Variants in PLCZ1 observed in about 807,000 individuals in gnomAD.
The protein encoded by PLCZ1 is 1-phosphatidylinositol 4,5-bisphosphate phosphodiesterase zeta-1.
Under a neutral mutation model 76.8 loss-of-function variants are expected in PLCZ1, and 64 were observed. The observed-to-expected ratio is 0.83, with a 90% CI of 0.68 to 1.03. The LOEUF is 1.03. Among genes scored for constraint, PLCZ1 ranks in the 50% least tolerant of loss-of-function variants. The probability of loss-of-function intolerance (pLI) is 0.00; values close to 1 mark genes in which losing one functional copy is unlikely to be tolerated. For synonymous variants in PLCZ1, 248 were observed against 230.8 expected, an observed-to-expected ratio of 1.07 and a Z score of -0.68; for missense variants, 751 against 713.7, an observed-to-expected ratio of 1.05 and a Z score of -0.60.
In PLCZ1 at chr12:18,696,137, G is replaced by C. The variant is rs3825081; in HGVS notation, c.1291+13C>G. 0.39 allele frequency: 495,153 copies of C among 1,254,542 alleles called. 100,692 individuals are homozygous for C. Among genetic ancestry groups the C allele is most frequent in the African/African-American group, 0.6 (39,335 of 66,016 alleles). The allele number at this position is 1,254,542 out of a possible 1,614,324, so 77.7% of individuals were successfully genotyped here. A position where few individuals can be genotyped will look rare whatever the true frequency, so the allele number is the denominator to read the frequency against. On this transcript the variant is annotated intron_variant, in intron 11 of 14. Coordinates refer to ENST00000266505, the MANE Select transcript of PLCZ1 (RefSeq NM_033123.4). The stretch of plus-strand genomic sequence containing the variant: ...TTACTTCTGCAAACAACTCAATATC[G>C]TATATAACATACCCATTTGACAACC...
chr12:18,705,182 G>T lies in PLCZ1; in HGVS notation c.848C>A (p.Thr283Asn), dbSNP rs773048335. 6.2e-7 allele frequency: 1 copy of T among 1,614,044 alleles called. No homozygotes were observed. Among genetic ancestry groups the T allele is most frequent in the Middle Eastern group, 1.7e-4 (1 of 6,060 alleles). ...LSDMLDDFPD[T>N]LPSPEALKFK... ...AAATGTTACCTCTGGTGATGGTAGA[G>T]TATCAGGAAAATCATCAAGCATATC... The change falls in exon 7 of 15, where the codon ACT becomes AAT. Residue 283 changes from threonine (T) to asparagine (N), a missense_variant. Coordinates refer to ENST00000266505, the MANE Select transcript of PLCZ1 (RefSeq NM_033123.4).
chr12:18,737,702 G>T, intron 1 of PLCZ1, 193 bp from the exon 2 acceptor site: 1 of 462,332 alleles, frequency 2.2e-6, no homozygotes, highest in Non-Finnish European at 3.9e-6. Flanking sequence ...CTGATGTCTG[G>T]CATTTTTCCA....
At chr12:18,677,124 G>A in the PLCZ1 span, among the ~76,000 whole-genome samples, 70 of 152,188 alleles carry the variant, frequency 4.6e-4, no homozygotes, top group African/African-American at 1.6e-3. Flanking sequence ...TAGAAAAGGG[G>A]AGTCTGTATC....
intron 5 of PLCZ1, among the ~76,000 whole-genome samples, chr12:18,716,517 T>G (rs566110553): frequency 2.8e-4 from 42 of 152,318 alleles, no homozygotes; most frequent in African/African-American, 1.0e-3. Context: ...TATTTAACTT[T>G]GAGCCTTTTT....
chr12:18,669,307 ATG>A, the PLCZ1 span, among the ~76,000 whole-genome samples: 1 of 152,156 alleles, frequency 6.6e-6, no homozygotes, highest in African/African-American at 2.4e-5. Flanking sequence ...TTTCCATTAT[ATG>A]TGTGGTCTCT....
chr12:18,663,535 T>C, the PLCZ1 span, among the ~76,000 whole-genome samples: 3 of 152,092 alleles, frequency 2.0e-5, no homozygotes, highest in Non-Finnish European at 4.4e-5. Flanking sequence ...TTGATATCCA[T>C]AGGAGGTCCT....
intron 5 of PLCZ1, among the ~76,000 whole-genome samples, chr12:18,713,563 G>C (rs996858434): frequency 5.3e-5 from 8 of 152,102 alleles, no homozygotes; most frequent in African/African-American, 1.9e-4. Flanking sequence ...AGAGGGCCTG[G>C]TGAATCAGCA....
chr12:18,688,497 A>T (rs1232709727), intron 12 of PLCZ1, among the ~76,000 whole-genome samples: 1 of 151,930 alleles, frequency 6.6e-6, no homozygotes, highest in Non-Finnish European at 1.5e-5. Flanking sequence ...ATTTGTTATG[A>T]TCACATTTCA....
the PLCZ1 span, among the ~76,000 whole-genome samples, chr12:18,667,402 G>C: frequency 5.9e-5 from 9 of 152,176 alleles, no homozygotes; most frequent in African/African-American, 2.2e-4. Flanking sequence ...AAGATTACCT[G>C]TATCTATCTG....
intron 3 of PLCZ1, among the ~76,000 whole-genome samples, chr12:18,730,464 C>T (rs1387247722): frequency 6.6e-6 from 1 of 151,846 alleles, no homozygotes; most frequent in Admixed American, 6.6e-5. Context: ...GATTATCAGC[C>T]TTGTTTATAT....
At chr12:18,660,374 T>C in the PLCZ1 span, among the ~76,000 whole-genome samples, 2 of 152,100 alleles carry the variant, frequency 1.3e-5, no homozygotes, top group Admixed American at 1.3e-4. Flanking sequence ...GTGGGAAGTT[T>C]TGTTGCAACT....
At chr12:18,650,443 T>A in the PLCZ1 span, among the ~76,000 whole-genome samples, 1 of 149,382 alleles carries the variant, frequency 6.7e-6, no homozygotes, top group East Asian at 2.0e-4. Flanking sequence ...TTTTAATCTT[T>A]GCCATTCAAA....
intron 10 of PLCZ1, among the ~76,000 whole-genome samples, chr12:18,698,541 G>A (rs1415521832): frequency 2.0e-5 from 3 of 152,206 alleles, no homozygotes; most frequent in Admixed American, 6.5e-5. Context: ...TTCAGAATCC[G>A]CATTCCCAAA....
At chr12:18,671,925 T>C in the PLCZ1 span, among the ~76,000 whole-genome samples, 1 of 152,142 alleles carries the variant, frequency 6.6e-6, no homozygotes, top group African/African-American at 2.4e-5. Flanking sequence ...TCATGACATC[T>C]TGACTTGGTA....
At chr12:18,692,237 T>G (rs1380726246) in intron 12 of PLCZ1, among the ~76,000 whole-genome samples, 1 of 152,122 alleles carries the variant, frequency 6.6e-6, no homozygotes, top group Non-Finnish European at 1.5e-5. Context: ...AGATGGTTTA[T>G]ACAGTTCTAG....
chr12:18,687,923 T>C (rs1953406417), intron 13 of PLCZ1, among the ~76,000 whole-genome samples, 166 bp downstream of exon 13: 1 of 152,064 alleles, frequency 6.6e-6, no homozygotes, highest in Non-Finnish European at 1.5e-5. Flanking sequence ...ACCTAATCAT[T>C]ATAAAAATGT....
intron 9 of PLCZ1, 128 bp from the exon 10 acceptor site, chr12:18,700,078 C>T (rs911383732): frequency 1.3e-6 from 1 of 753,536 alleles, no homozygotes; most frequent in Non-Finnish European, 2.2e-6. Context: ...TCCTCAAACA[C>T]CATTTGATTA....
chr12:18,703,078 T>G (rs1244497123), intron 7 of PLCZ1, among the ~76,000 whole-genome samples: 1 of 152,130 alleles, frequency 6.6e-6, no homozygotes, highest in Non-Finnish European at 1.5e-5. Context: ...TCATATATAA[T>G]AGGAAGCGGG....
the PLCZ1 span, among the ~76,000 whole-genome samples, chr12:18,656,304 G>A: frequency 3.9e-5 from 6 of 152,040 alleles, no homozygotes; most frequent in Admixed American, 6.6e-5. Flanking sequence ...GTGGCTGGGC[G>A]CAGTGGGTCA....
Sources: gnomAD v4.1 joint callset for allele counts (sites outside exome capture counted in the v4.1 genomes callset) on GRCh38, gnomAD v4.1.1 for gene constraint, MANE v1.5 for transcripts, NCBI Gene and HGNC (gene_info 2026-07-23, HGNC 2026-07-21) for gene names.